Variants in USP50 observed in about 807,000 individuals in gnomAD.
USP50 encodes the protein ubiquitin specific peptidase 50, also known as ubiquitin carboxyl-terminal hydrolase 50.
A neutral mutation model predicts 39.2 loss-of-function variants in USP50; 37 were observed. That is an observed-to-expected ratio of 0.94 (90% CI 0.73 to 1.24). The LOEUF (loss-of-function observed/expected upper bound fraction) is 1.24. USP50 is among the 50% of genes most tolerant of loss of function. USP50 has a pLI of 0.00. For synonymous variants in USP50, 139 were observed against 144.5 expected (o/e 0.96, Z 0.27); for missense variants, 374 against 398.2 (o/e 0.94, Z 0.52).
At chr15:50,496,206 C>T (rs527246191), downstream of USP50, 72 of 780,684 alleles carry the variant, frequency 9.2e-5, 1 homozygote, top group South Asian at 5.5e-4. Flanking sequence ...CTCGGCCGGG[C>T]GCAGTGGCTC....
chr15:50,532,637 G>T (rs951649377), intron 5 of USP50, among the ~76,000 whole-genome samples: 1 of 152,190 alleles, frequency 6.6e-6, no homozygotes, highest in Non-Finnish European at 1.5e-5. Flanking sequence ...CACACAGTTT[G>T]AAGAGACAGT....
downstream of USP50, chr15:50,499,713 CTT>C (rs964448429): frequency 2.6e-5 from 4 of 151,696 alleles, no homozygotes; most frequent in African/African-American, 9.7e-5. Flanking sequence ...AAAATGGAAA[CTT>C]TAATTTTTTT....
intron 4 of USP50, among the ~76,000 whole-genome samples, chr15:50,539,668 C>A (rs1057452340): frequency 2.6e-5 from 4 of 152,218 alleles, no homozygotes; most frequent in African/African-American, 9.7e-5. Flanking sequence ...CCCGCCTTGG[C>A]CTCCCAAAGT....
intron 6 of USP50, among the ~76,000 whole-genome samples, chr15:50,528,416 A>G (rs1192038691): frequency 6.6e-6 from 1 of 152,134 alleles, no homozygotes; most frequent in Non-Finnish European, 1.5e-5. Flanking sequence ...TGCTGGAATT[A>G]TTAATACAAG....
downstream of USP50, chr15:50,496,163 G>A: frequency 1.7e-6 from 2 of 1,186,862 alleles, no homozygotes; most frequent in Non-Finnish European, 2.4e-6. Context: ...TAAATTTCTG[G>A]TCTTTACCCT....
intron 5 of USP50, among the ~76,000 whole-genome samples, chr15:50,535,414 G>C (rs1402773765): frequency 6.6e-6 from 1 of 152,076 alleles, no homozygotes; most frequent in African/African-American, 2.4e-5. Context: ...GCTAAATAAG[G>C]GTAAGTTAGA....
rs915262544 is a variant in USP50, at chr15:50,543,889, G to A, written c.249-96C>T. On this transcript the variant is annotated intron_variant, in intron 2 of 6. Coordinates refer to ENST00000532404, the MANE Select transcript of USP50 (RefSeq NM_203494.5). The stretch of plus-strand genomic sequence containing the variant: ...GAAATTAGTCTCAAAATGGAAGAAC[G>A]TGGTGTCTCATGCCTGTAACCCCAG... The A allele has an allele frequency of 2.2e-5, 27 of 1,250,362 alleles. 1 individual carries two copies. In the Middle Eastern group the frequency reaches 2.1e-3, roughly 96 times the overall value. The allele number at this position is 1,250,362 out of a possible 1,614,324, so 77.5% of individuals were successfully genotyped here.
rs573253702 is a variant in USP50 at position 50,522,571 on chromosome 15, C to T, written c.936+7226G>A. On this transcript the variant is annotated intron_variant, in intron 6 of 6. Coordinates refer to ENST00000532404, the MANE Select transcript of USP50 (RefSeq NM_203494.5). Reference sequence around the variant, plus strand: ...ATACTAAAGCCAGACAAGGACAGTACAAGAAAAGAAAATTACAAGGCAAGA... The same window carrying T: ...ATACTAAAGCCAGACAAGGACAGTATAAGAAAAGAAAATTACAAGGCAAGA... Among the ~76,000 whole-genome samples the T allele has an allele frequency of 7.2e-5, 11 of 152,078 alleles. No individual in the cohort carries two copies. In the South Asian group the frequency reaches 2.1e-3, roughly 29 times the overall value.
At chr15:50,532,998 G>A (rs757990650) in intron 5 of USP50, among the ~76,000 whole-genome samples, 17 of 151,678 alleles carry the variant, frequency 1.1e-4, no homozygotes, top group African/African-American at 3.1e-4. Context: ...TTTTAAAACT[G>A]AAAAGAAGAA....
intron 5 of USP50, among the ~76,000 whole-genome samples, chr15:50,531,020 T>C (rs1025476602): frequency 6.6e-6 from 1 of 152,232 alleles, no homozygotes; most frequent in African/African-American, 2.4e-5. Flanking sequence ...GATCCTAAGT[T>C]TGTAAATCTG....
chr15:50,543,819 C>T (rs2053049413), intron 2 of USP50, 26 bp from the exon 3 acceptor site: 1 of 1,591,612 alleles, frequency 6.3e-7, no homozygotes, highest in Non-Finnish European at 8.6e-7. Flanking sequence ...GGATATGTTT[C>T]TGGCTGATTT....
intron 5 of USP50, among the ~76,000 whole-genome samples, chr15:50,536,276 CAA>C (rs1342650642): frequency 6.6e-6 from 1 of 152,078 alleles, no homozygotes; most frequent in Non-Finnish European, 1.5e-5. Context: ...ACAATTATAG[CAA>C]GATTGTAGGA....
intron 5 of USP50, among the ~76,000 whole-genome samples, chr15:50,535,899 A>G (rs1488663829): frequency 1.3e-5 from 2 of 152,232 alleles, no homozygotes; most frequent in East Asian, 3.8e-4. Flanking sequence ...TCAAATCAAC[A>G]GACACAGAAA....
Position 50,531,934 on chromosome 15 carries a change from G to T in USP50, c.804-2005C>A, listed in dbSNP as rs569701750. 34 of 319,416 alleles carry T rather than the reference G, an allele frequency of 1.1e-4. 1 individual carries two copies. The highest frequency in any genetic ancestry group is 1.2e-3 in the Middle Eastern group (1 of 832). The allele number at this position is 319,416 out of a possible 1,614,324, so 19.8% of individuals were successfully genotyped here. On this transcript the variant is annotated intron_variant, in intron 5 of 6. Coordinates refer to ENST00000532404, the MANE Select transcript of USP50 (RefSeq NM_203494.5). Reference sequence around the variant, plus strand: ...AACAGCTCTTCTTAGAGCTGAAAGAGCAGTGAGGTCACAGGACAAACCACT... The same window carrying T: ...AACAGCTCTTCTTAGAGCTGAAAGATCAGTGAGGTCACAGGACAAACCACT...
At chr15:50,508,320 T>C (rs2052691795) in intron 6 of USP50, 1 of 152,148 alleles carries the variant, frequency 6.6e-6, no homozygotes, top group Non-Finnish European at 1.5e-5. Context: ...AATAATACGA[T>C]GCCAAGAAGA....
rs2053046587 is a variant in USP50 at position 50,543,601 on chromosome 15, T to G, written c.441A>C (p.Lys147Asn). 6.2e-7 allele frequency: 1 copy of G among 1,612,520 alleles called. No individual in the cohort carries two copies. The highest frequency in any genetic ancestry group is 1.7e-5 in the Admixed American group (1 of 59,792). The change falls in exon 3 of 7, where the codon AAA becomes AAC. Residue 147 changes from lysine (K) to asparagine (N), a missense_variant. By Grantham distance (94) the Lys-to-Asn change is moderately conservative (BLOSUM62 0). Transcript: ENST00000532404. ...CVLNELHEAL[K>N]KYHYSRRRSY... ...CAAGGTCATTAACTCTACTTACCTTTTTTAGAGCTTCATGAAGTTCATTTA... is the reference window on the plus strand; with the variant it reads ...CAAGGTCATTAACTCTACTTACCTTGTTTAGAGCTTCATGAAGTTCATTTA...
chr15:50,530,135 C>T (rs898820122), intron 5 of USP50, among the ~76,000 whole-genome samples: 6 of 152,052 alleles, frequency 3.9e-5, no homozygotes, highest in African/African-American at 7.2e-5. Flanking sequence ...GGCAAAACCC[C>T]GTCTCTACAT....
chr15:50,526,619 C>G (rs1043040304), intron 6 of USP50, among the ~76,000 whole-genome samples: 2 of 152,228 alleles, frequency 1.3e-5, no homozygotes, highest in African/African-American at 4.8e-5. Context: ...ATACATATTG[C>G]TATCACTGCT....
intron 4 of USP50, 32 bp from the exon 5 acceptor site, chr15:50,538,883 AT>A: frequency 6.3e-7 from 1 of 1,582,320 alleles, no homozygotes; most frequent in Non-Finnish European, 8.6e-7. Flanking sequence ...TGGTGACCAA[AT>A]TGGATCAACT....
Sources: gnomAD v4.1 joint callset for allele counts (sites outside exome capture counted in the v4.1 genomes callset) on GRCh38, gnomAD v4.1.1 for gene constraint, MANE v1.5 for transcripts, NCBI Gene and HGNC (gene_info 2026-07-23, HGNC 2026-07-21) for gene names.